TJP1: variants seen among roughly 807,000 people sequenced by gnomAD.
TJP1 encodes the protein tight junction protein ZO-1.
In TJP1, 43 loss-of-function variants were observed where a neutral mutation model predicts 194.2. That is an observed-to-expected ratio of 0.22 (90% CI 0.17 to 0.29). The LOEUF (loss-of-function observed/expected upper bound fraction) is 0.29. TJP1 is among the 10% of genes least tolerant of loss of function. The pLI, the probability that TJP1 is intolerant of heterozygous loss-of-function variation, is 1.00. For synonymous variants in TJP1, 801 were observed against 779.0 expected, an observed-to-expected ratio of 1.03 and a Z score of -0.47; for missense variants, 1,971 against 2,185.7, an observed-to-expected ratio of 0.90 and a Z score of 1.96.
chr15:29,940,658 T>C (rs960829181), intron 2 of TJP1, among the ~76,000 whole-genome samples: 1 of 152,244 alleles, frequency 6.6e-6, no homozygotes, highest in Non-Finnish European at 1.5e-5. Context: ...GGTGATCAAA[T>C]GATTCTAATC....
At chr15:29,943,326 T>G (rs1429373321) in intron 2 of TJP1, among the ~76,000 whole-genome samples, 2 of 152,212 alleles carry the variant, frequency 1.3e-5, no homozygotes, top group Non-Finnish European at 2.9e-5. Flanking sequence ...TTTTGGCTTC[T>G]TTTGCTATTT....
At chr15:29,892,748 C>T (rs558685236) in intron 2 of TJP1, among the ~76,000 whole-genome samples, 18 of 152,314 alleles carry the variant, frequency 1.2e-4, no homozygotes, top group South Asian at 8.3e-4. Flanking sequence ...TTGAGGCCTA[C>T]TGCTCAGAAA....
At chr15:29,948,962 C>T (rs1251335234) in intron 2 of TJP1, among the ~76,000 whole-genome samples, 1 of 150,870 alleles carries the variant, frequency 6.6e-6, no homozygotes, top group African/African-American at 2.4e-5. Flanking sequence ...ACCACCACCC[C>T]CTCCACCACC....
At chr15:29,833,871 A>ATT (rs1567116902) in intron 2 of TJP1, among the ~76,000 whole-genome samples, 2 of 18,348 alleles carry the variant, frequency 1.1e-4, no homozygotes, top group African/African-American at 1.8e-4. Context: ...ATATATATAT[A>ATT]TATATATATA....
At chr15:29,878,540 A>G (rs1264048040) in intron 2 of TJP1, among the ~76,000 whole-genome samples, 1 of 152,148 alleles carries the variant, frequency 6.6e-6, no homozygotes, top group African/African-American at 2.4e-5. Flanking sequence ...TTAGAAACAC[A>G]GCCCATAGTT....
rs375546065 is a variant in TJP1, at chr15:29,701,628, T to C, written c.5274A>G (p.Ala1758=). The C allele has an allele frequency of 5.6e-6, 9 of 1,614,032 alleles. No homozygotes were observed. Among genetic ancestry groups the C allele is most frequent in the Non-Finnish European group, 7.6e-6 (9 of 1,180,008 alleles). The change falls in exon 28 of 28, where the codon GCA becomes GCG. Residue 1758 remains alanine (A), a synonymous_variant. Transcript: ENST00000614355. Reference sequence around the variant, plus strand: ...GGTCAATAAGGACAGAAACACAGTTTGCTCCAACGAGATAATTTGGATCTC... The same window carrying C: ...GGTCAATAAGGACAGAAACACAGTTCGCTCCAACGAGATAATTTGGATCTC... ...LPGDPNYLVG[A]NCVSVLIDHF
chr15:29,866,177 T>C (rs1596138790), intron 2 of TJP1, among the ~76,000 whole-genome samples: 1 of 152,250 alleles, frequency 6.6e-6, no homozygotes, highest in African/African-American at 2.4e-5. Flanking sequence ...TTAAATCTTT[T>C]CTTTGAAATT....
intron 2 of TJP1, among the ~76,000 whole-genome samples, chr15:29,894,118 G>T (rs2053401413): frequency 6.6e-6 from 1 of 152,150 alleles, no homozygotes; most frequent in Admixed American, 6.5e-5. Context: ...TCACTTAAGG[G>T]ATACATATTG....
chr15:29,906,383 G>A (rs1449490327), intron 2 of TJP1, among the ~76,000 whole-genome samples: 1 of 151,558 alleles, frequency 6.6e-6, no homozygotes, highest in Non-Finnish European at 1.5e-5. Flanking sequence ...TGAGGCAGGA[G>A]AATTGCTTGA....
At position 29,907,652 on chromosome 15, in the gene TJP1, TAAG is replaced by T. The variant is rs1258472795; in HGVS notation, c.306+48577_306+48579del. Among the ~76,000 whole-genome samples, 8 of 152,236 alleles carry T rather than the reference TAAG, an allele frequency of 5.3e-5. No individual in the cohort carries two copies. The South Asian group carries it at 1.7e-3, about 32-fold the overall frequency. On this transcript the variant is annotated intron_variant, in intron 2 of 28. Transcript: ENST00000356107. The stretch of plus-strand genomic sequence containing the variant: ...AACAAATGCAAGGGTCTAAGAAACC[TAAG>T]AACATTAATTTGAAAAATAACAAAC...
intron 8 of TJP1, chr15:29,759,924 G>C: frequency 2.7e-6 from 1 of 371,546 alleles, no homozygotes. Context: ...CAACAAACAT[G>C]AGAGTGCAGA....
chr15:29,860,220 T>G (rs1293519035), intron 2 of TJP1, among the ~76,000 whole-genome samples: 1 of 152,172 alleles, frequency 6.6e-6, no homozygotes, highest in African/African-American at 2.4e-5. Flanking sequence ...GTAAGCGCTT[T>G]CTTTCTCTCC....
At chr15:29,821,850 C>G in intron 1 of TJP1, 152 bp downstream of exon 1, 2 of 780,248 alleles carry the variant, frequency 2.6e-6, no homozygotes, top group Non-Finnish European at 3.1e-6. Context: ...GCCCGCGGCC[C>G]GCGGCCCGCG....
intron 2 of TJP1, among the ~76,000 whole-genome samples, chr15:29,916,044 A>G (rs1379915178): frequency 2.0e-5 from 3 of 152,100 alleles, no homozygotes; most frequent in African/African-American, 7.2e-5. Context: ...CAGGATTTTC[A>G]GACCAGCCTG....
chr15:29,864,237 CAAAAAAAAAAAAAAAAA>C (rs397975539), intron 2 of TJP1, among the ~76,000 whole-genome samples: 1 of 18,934 alleles, frequency 5.3e-5, no homozygotes, highest in African/African-American at 1.5e-4. Context: ...ACTAAAAATA[CAAAAAAAAAAAAAAAAA>C]AAAAAAAAAA....
At chr15:29,762,227 T>G (rs2046052130) in intron 6 of TJP1, 108 bp downstream of exon 6, 3 of 861,490 alleles carry the variant, frequency 3.5e-6, no homozygotes, top group African/African-American at 3.4e-5. Flanking sequence ...AAACACTGAT[T>G]TTTAATTCTC....
At chr15:29,903,088 C>T (rs566786985) in intron 2 of TJP1, among the ~76,000 whole-genome samples, 2 of 152,194 alleles carry the variant, frequency 1.3e-5, no homozygotes, top group African/African-American at 4.8e-5. Context: ...ACAAAACACA[C>T]TAGAAGGGGG....
intron 2 of TJP1, among the ~76,000 whole-genome samples, chr15:29,924,732 C>T (rs994507100): frequency 6.6e-6 from 1 of 152,168 alleles, no homozygotes; most frequent in African/African-American, 2.4e-5. Flanking sequence ...TAATGACAGG[C>T]TCTTTCCCAG....
At chr15:29,778,631 C>T (rs1303300339) in intron 2 of TJP1, among the ~76,000 whole-genome samples, 2 of 152,160 alleles carry the variant, frequency 1.3e-5, no homozygotes, top group Non-Finnish European at 2.9e-5. Flanking sequence ...AATACAACTC[C>T]AAACTTGCTT....
Sources: gnomAD v4.1 joint callset for allele counts (sites outside exome capture counted in the v4.1 genomes callset) on GRCh38, gnomAD v4.1.1 for gene constraint, MANE v1.5 for transcripts, NCBI Gene and HGNC (gene_info 2026-07-23, HGNC 2026-07-21) for gene names.